The following CMTM8 variants were observed in gnomAD, a reference collection of about 807,000 sequenced individuals.
The protein encoded by CMTM8 is CKLF like MARVEL transmembrane domain containing 8, also known as CKLF-like MARVEL transmembrane domain-containing protein 8.
CMTM8 carries 12 observed loss-of-function variants against 18.6 expected under a neutral mutation model. The ratio of observed to expected loss-of-function variants is 0.65; its 90% CI spans 0.41 to 1.05. The LOEUF (loss-of-function observed/expected upper bound fraction) is 1.05, where lower values mean the gene tolerates loss of function less well. CMTM8 is among the 50% of genes least tolerant of loss of function. CMTM8 has a pLI of 0.00. For synonymous variants in CMTM8, 87 were observed against 90.6 expected, an observed-to-expected ratio of 0.96 and a Z score of 0.23; for missense variants, 217 against 227.2, an observed-to-expected ratio of 0.95 and a Z score of 0.29.
At chr3:32,337,965 T>C (rs1696418474) in intron 1 of CMTM8, among the ~76,000 whole-genome samples, 1 of 151,484 alleles carries the variant, frequency 6.6e-6, no homozygotes, top group Non-Finnish European at 1.5e-5. Context: ...CAAAAATATT[T>C]ACTATTTGGC....
At chr3:32,335,229 G>A (rs920962846) in intron 1 of CMTM8, among the ~76,000 whole-genome samples, 1 of 152,190 alleles carries the variant, frequency 6.6e-6, no homozygotes, top group Admixed American at 6.5e-5. Context: ...ACCAGGCTGT[G>A]CCCTCCATCC....
At chr3:32,312,071 T>C (rs1275085538) in intron 1 of CMTM8, among the ~76,000 whole-genome samples, 1 of 152,212 alleles carries the variant, frequency 6.6e-6, no homozygotes, top group Non-Finnish European at 1.5e-5. Context: ...AGATTGGCTA[T>C]ACTTTGTTGA....
Position 32,275,947 on chromosome 3 carries a change from G to A in CMTM8, c.147+36828G>A, listed in dbSNP as rs188142675. 2.1e-3 allele frequency among the ~76,000 whole-genome samples: 322 copies of A among 152,090 alleles called. No individual in the cohort carries two copies. The South Asian group carries it at 0.029, about 14-fold the overall frequency. On this transcript the variant is annotated intron_variant, in intron 1 of 3. Transcript: ENST00000307526. Reference sequence around the variant, plus strand: ...CACAGGTGTGAGTTACCACTCGTATGTACTTCAGTTAATTCCCAAAGAGCC... The same window carrying A: ...CACAGGTGTGAGTTACCACTCGTATATACTTCAGTTAATTCCCAAAGAGCC...
At chr3:32,362,902 A>T (rs2125602966) in intron 2 of CMTM8, among the ~76,000 whole-genome samples, 1 of 152,314 alleles carries the variant, frequency 6.6e-6, no homozygotes, top group Non-Finnish European at 1.5e-5. Flanking sequence ...GGATCCACTG[A>T]GTCTTCCTGT....
intron 1 of CMTM8, among the ~76,000 whole-genome samples, chr3:32,310,416 C>T (rs984600989): frequency 6.6e-6 from 1 of 152,188 alleles, no homozygotes; most frequent in Non-Finnish European, 1.5e-5. Context: ...TTAGAGATCT[C>T]CCATCCAGTA....
chr3:32,278,737 C>T (rs1219576489), intron 1 of CMTM8, among the ~76,000 whole-genome samples: 1 of 152,180 alleles, frequency 6.6e-6, no homozygotes, highest in African/African-American at 2.4e-5. Context: ...TTTTAGTTTA[C>T]TTACCTTTAT....
intron 1 of CMTM8, among the ~76,000 whole-genome samples, chr3:32,258,307 C>T (rs1048000530): frequency 2.0e-5 from 3 of 152,006 alleles, no homozygotes; most frequent in Non-Finnish European, 4.4e-5. Context: ...GGCACTACTA[C>T]GTATTTTTTT....
At chr3:32,242,937 G>A (rs1486457922) in intron 1 of CMTM8, among the ~76,000 whole-genome samples, 1 of 151,798 alleles carries the variant, frequency 6.6e-6, no homozygotes, top group Non-Finnish European at 1.5e-5. Flanking sequence ...TGTCACTCAG[G>A]CTGGAATTGC....
intron 1 of CMTM8, among the ~76,000 whole-genome samples, chr3:32,284,177 C>A (rs973250143): frequency 6.6e-6 from 1 of 152,204 alleles, no homozygotes; most frequent in Non-Finnish European, 1.5e-5. Context: ...CATTTGAGCC[C>A]GGGAGGCAGA....
Position 32,238,869 on chromosome 3 carries a change from C to A in CMTM8, c.-104C>A. Reference sequence around the variant, plus strand: ...CGCACCTCCTGCCCCGCGCGGGCCGCGCTCCCCTCCCCCGCGCCTGTGTCC... The same window carrying A: ...CGCACCTCCTGCCCCGCGCGGGCCGAGCTCCCCTCCCCCGCGCCTGTGTCC... On this transcript the variant is annotated 5_prime_UTR_variant, in exon 1 of 4. Transcript: ENST00000307526. 1 of 1,121,420 alleles carries A rather than the reference C, an allele frequency of 8.9e-7. No individual in the cohort carries two copies. The highest frequency in any genetic ancestry group is 1.2e-6 in the Non-Finnish European group (1 of 866,726). 69.5% of individuals were successfully genotyped at this position (1,121,420 alleles called of 1,614,324 possible).
chr3:32,319,340 A>G (rs1273312352), intron 1 of CMTM8, among the ~76,000 whole-genome samples: 1 of 151,388 alleles, frequency 6.6e-6, no homozygotes, highest in Non-Finnish European at 1.5e-5. Flanking sequence ...CGGCCTCCCA[A>G]AGTCCTGGGA....
intron 1 of CMTM8, among the ~76,000 whole-genome samples, chr3:32,309,281 G>A (rs966630359): frequency 4.0e-5 from 6 of 149,800 alleles, no homozygotes; most frequent in African/African-American, 1.5e-4. Context: ...GCATGGCTGA[G>A]CTCTCAACCA....
chr3:32,277,757 A>C (rs1199390466), intron 1 of CMTM8, among the ~76,000 whole-genome samples: 1 of 152,216 alleles, frequency 6.6e-6, no homozygotes, highest in Non-Finnish European at 1.5e-5. Flanking sequence ...GCCAGTAAGT[A>C]AATATCAGAT....
At chr3:32,298,467 A>C in intron 1 of CMTM8, among the ~76,000 whole-genome samples, 1 of 148,482 alleles carries the variant, frequency 6.7e-6, no homozygotes, top group African/African-American at 2.5e-5. Flanking sequence ...TACTTTCTGA[A>C]ATCTTTCATT....
intron 2 of CMTM8, among the ~76,000 whole-genome samples, chr3:32,359,973 C>T (rs1696891213): frequency 6.6e-6 from 1 of 152,174 alleles, no homozygotes; most frequent in Admixed American, 6.5e-5. Context: ...CTGCTCCAGG[C>T]CCCCTCTGCC....
intron 2 of CMTM8, among the ~76,000 whole-genome samples, chr3:32,362,824 C>G (rs1696963271): frequency 6.6e-6 from 1 of 152,186 alleles, no homozygotes; most frequent in Admixed American, 6.5e-5. Context: ...TGCTCTGTCT[C>G]CAGCCAGCCT....
chr3:32,366,110 A>G (rs1697027924), intron 2 of CMTM8, among the ~76,000 whole-genome samples: 1 of 152,146 alleles, frequency 6.6e-6, no homozygotes, highest in Non-Finnish European at 1.5e-5. Flanking sequence ...AAGACTAGGG[A>G]AGTCACAAAG....
At chr3:32,270,093 A>AT (rs1402749753) in intron 1 of CMTM8, among the ~76,000 whole-genome samples, 24 of 147,472 alleles carry the variant, frequency 1.6e-4, no homozygotes, top group Admixed American at 3.4e-4. Context: ...ATTAAAAAAA[A>AT]TTTTTTTGTG....
intron 1 of CMTM8, among the ~76,000 whole-genome samples, chr3:32,301,560 AT>A (rs1441560077): frequency 6.6e-6 from 1 of 152,010 alleles, no homozygotes; most frequent in Non-Finnish European, 1.5e-5. Context: ...ATGAAGAGGG[AT>A]AGGGGAGACA....
Sources: allele counts gnomAD v4.1 joint callset (sites outside exome capture counted in the v4.1 genomes callset), GRCh38; gene constraint gnomAD v4.1.1; transcripts MANE v1.5; gene names NCBI Gene and HGNC (gene_info 2026-07-23, HGNC 2026-07-21).